CCDC90B: variants seen among roughly 807,000 people sequenced by gnomAD.
CCDC90B encodes the protein coiled-coil domain containing 90B.
Under a neutral mutation model 37.0 loss-of-function variants are expected in CCDC90B, and 24 were observed. That is an observed-to-expected ratio of 0.65 (90% CI 0.47 to 0.91). The LOEUF is 0.91. Among genes scored for constraint, CCDC90B ranks in the 40% least tolerant of loss-of-function variants. The pLI, the probability that CCDC90B is intolerant of heterozygous loss-of-function variation, is 0.00. For missense variants in CCDC90B, 319 were observed against 299.0 expected, an observed-to-expected ratio of 1.07 and a Z score of -0.49; for synonymous variants, 113 against 101.1, an observed-to-expected ratio of 1.12 and a Z score of -0.71.
chr11:83,274,033 A>G, intron 4 of CCDC90B, 41 bp from the exon 5 acceptor site: 1 of 1,425,974 alleles, frequency 7.0e-7, no homozygotes, highest in Non-Finnish European at 9.3e-7. Context: ...CATTAAACCA[A>G]GTCTATATTA....
intron 2 of CCDC90B, 128 bp downstream of exon 2, chr11:83,280,008 TATAAA>T (rs1865291078): frequency 1.3e-6 from 1 of 799,214 alleles, no homozygotes; most frequent in Non-Finnish European, 1.9e-6. Context: ...TTTTAGTGAC[TATAAA>T]ATATTTCATT....
At chr11:83,276,705 A>G (rs894784312) in intron 3 of CCDC90B, among the ~76,000 whole-genome samples, 4 of 152,166 alleles carry the variant, frequency 2.6e-5, no homozygotes, top group African/African-American at 9.7e-5. Context: ...ATACAGACTC[A>G]AAAAGCCTAC....
At chr11:83,280,486 T>C (rs1032330192) in intron 1 of CCDC90B, among the ~76,000 whole-genome samples, 1 of 152,204 alleles carries the variant, frequency 6.6e-6, no homozygotes, top group East Asian at 1.9e-4. Context: ...TTCCCTCCTT[T>C]GGTATTCAGA....
At position 83,259,779 on chromosome 11, in the gene CCDC90B, C is replaced by T. The variant is rs541374869; in HGVS notation, c.*2132G>A. 12 of 152,226 alleles carry T rather than the reference C, an allele frequency of 7.9e-5. No homozygotes were observed. The highest frequency in any genetic ancestry group is 5.2e-4 in the Admixed American group (8 of 15,274). 9.4% of individuals were successfully genotyped at this position (152,226 alleles called of 1,614,324 possible). A position where few individuals can be genotyped will look rare whatever the true frequency, so the allele number is the denominator to read the frequency against. On this transcript the variant is annotated 3_prime_UTR_variant, in exon 9 of 9. Coordinates refer to ENST00000529689, the MANE Select transcript of CCDC90B (RefSeq NM_021825.5). ...TCCTTGGCTCAAGCAATCCTGCTGC[C>T]GCAGCCTCCCAAGCAGCTAGGACTA...
At chr11:83,271,668 G>A (rs948679550) in intron 7 of CCDC90B, among the ~76,000 whole-genome samples, 2 of 152,212 alleles carry the variant, frequency 1.3e-5, no homozygotes, top group Non-Finnish European at 2.9e-5. Flanking sequence ...CTGTTGGTGG[G>A]AGTGTAAATT....
chr11:83,274,361 C>A, intron 4 of CCDC90B: 1 of 268,642 alleles, frequency 3.7e-6, no homozygotes, highest in Non-Finnish European at 6.8e-6. Flanking sequence ...GCTCTGAAAC[C>A]ATTATATACA....
chr11:83,274,221 C>T (rs546251), intron 4 of CCDC90B: 113,258 of 374,970 alleles, frequency 0.3, 17,980 homozygotes, highest in Non-Finnish European at 0.34. Context: ...AACTGATTTT[C>T]TAAATTTAAA....
At chr11:83,271,136 A>G (rs1452025627) in intron 7 of CCDC90B, among the ~76,000 whole-genome samples, 4 of 152,242 alleles carry the variant, frequency 2.6e-5, no homozygotes, top group South Asian at 2.1e-4. Flanking sequence ...AGATGGATTA[A>G]AGACTTAAAT....
intron 7 of CCDC90B, among the ~76,000 whole-genome samples, chr11:83,272,108 G>A (rs892461310): frequency 6.6e-6 from 1 of 152,114 alleles, no homozygotes; most frequent in African/African-American, 2.4e-5. Context: ...GGGGCCTGTC[G>A]GGTGGTGGTT....
chr11:83,278,863 A>T (rs780464727), intron 2 of CCDC90B, 34 bp from the exon 3 acceptor site: 2 of 1,248,038 alleles, frequency 1.6e-6, no homozygotes, highest in Non-Finnish European at 1.2e-6. Context: ...TATTTTTTTT[A>T]AAGTGTATAT....
Position 83,259,463 on chromosome 11 carries a change from G to A in CCDC90B, c.*2448C>T, listed in dbSNP as rs1345405939. 1 of 152,172 alleles carries A rather than the reference G, an allele frequency of 6.6e-6. No homozygotes were observed. Among genetic ancestry groups the A allele is most frequent in the Admixed American group, 6.5e-5 (1 of 15,282 alleles). The allele number at this position is 152,172 out of a possible 1,614,324, so 9.4% of individuals were successfully genotyped here. A position where few individuals can be genotyped will look rare whatever the true frequency, so the allele number is the denominator to read the frequency against. On this transcript the variant is annotated 3_prime_UTR_variant, in exon 9 of 9. Transcript: ENST00000529689. ...TTTGCTAAACCCCTACAATGAGAAA[G>A]AACGCAGATCTATTTAATATTTAGT... is the stretch of plus-strand genomic sequence containing the variant.
intron 3 of CCDC90B, 95 bp from the exon 4 acceptor site, chr11:83,274,835 A>G (rs1353572617): frequency 2.6e-6 from 2 of 755,298 alleles, no homozygotes; most frequent in Non-Finnish European, 4.4e-6. Context: ...ATTTGTTAAC[A>G]TGCTACAAGG....
rs191382620 is a variant in CCDC90B, at chr11:83,285,994, G to T, written c.-22C>A. ...TCATGTCCTCAGAGTTTTCCGGTGG[G>T]AGGGAGGCGGAAGACGGGGTAAATC... On this transcript the variant is annotated 5_prime_UTR_variant, in exon 1 of 9. Transcript: ENST00000529689. 19 of 1,597,038 alleles carry T rather than the reference G, an allele frequency of 1.2e-5. No individual in the cohort carries two copies. In the East Asian group the frequency reaches 4.3e-4, roughly 36 times the overall value.
At chr11:83,285,318 T>C in intron 1 of CCDC90B, 1 of 1,207,186 alleles carries the variant, frequency 8.3e-7, no homozygotes, top group South Asian at 1.5e-5. Flanking sequence ...GGACACCCTG[T>C]TAACAGGGGT....
intron 1 of CCDC90B, among the ~76,000 whole-genome samples, chr11:83,281,348 A>C (rs1469689253): frequency 6.6e-6 from 1 of 152,232 alleles, no homozygotes; most frequent in African/African-American, 2.4e-5. Flanking sequence ...ATAGGGGATA[A>C]AATCATAAGC....
At chr11:83,270,829 A>C (rs1157446058) in intron 7 of CCDC90B, among the ~76,000 whole-genome samples, 1 of 152,218 alleles carries the variant, frequency 6.6e-6, no homozygotes, top group East Asian at 1.9e-4. Context: ...AATCCTAAGC[A>C]AAAAGAACAA....
intron 7 of CCDC90B, among the ~76,000 whole-genome samples, chr11:83,269,982 G>A (rs1864552524): frequency 6.6e-6 from 1 of 152,184 alleles, no homozygotes; most frequent in Non-Finnish European, 1.5e-5. Flanking sequence ...TCATCCCTGG[G>A]ATGCAAAGCT....
At position 83,260,821 on chromosome 11, in the gene CCDC90B, T is replaced by C. The variant is rs201028959; in HGVS notation, c.*1090A>G. ...ATATTACTTTGTAAGAAAAAATATATCTAATAACAAAACAAAATACGAATT... is the reference window on the plus strand; with the variant it reads ...ATATTACTTTGTAAGAAAAAATATACCTAATAACAAAACAAAATACGAATT... On this transcript the variant is annotated 3_prime_UTR_variant, in exon 9 of 9. Coordinates refer to ENST00000529689, the MANE Select transcript of CCDC90B (RefSeq NM_021825.5). 11 of 152,264 alleles carry C rather than the reference T, an allele frequency of 7.2e-5. No homozygotes were observed. In the East Asian group the frequency reaches 2.1e-3, roughly 29 times the overall value. 9.4% of individuals were successfully genotyped at this position (152,264 alleles called of 1,614,324 possible).
chr11:83,286,212 A>G lies in CCDC90B; in HGVS notation c.-240T>C. 1.3e-6 allele frequency: 2 copies of G among 1,527,474 alleles called. No homozygotes were observed. Among genetic ancestry groups the G allele is most frequent in the Non-Finnish European group, 1.8e-6 (2 of 1,140,472 alleles). 94.6% of individuals were successfully genotyped at this position (1,527,474 alleles called of 1,614,324 possible). On this transcript the variant is annotated 5_prime_UTR_variant, in exon 1 of 9. Transcript: ENST00000529689. ...CCGCTTCTCCCAGCGCCCCTTCCCG[A>G]CCTTTGAACGCCTTCACCGCCCTAG... is the stretch of plus-strand genomic sequence containing the variant.
Sources: gnomAD v4.1 joint callset for allele counts (sites outside exome capture counted in the v4.1 genomes callset) on GRCh38, gnomAD v4.1.1 for gene constraint, MANE v1.5 for transcripts, NCBI Gene and HGNC (gene_info 2026-07-23, HGNC 2026-07-21) for gene names.